Variants in ALOX5 observed in about 807,000 individuals in gnomAD.
ALOX5 encodes polyunsaturated fatty acid 5-lipoxygenase.
A neutral mutation model predicts 87.9 loss-of-function variants in ALOX5; 64 were observed. That is an observed-to-expected ratio of 0.73 (90% CI 0.60 to 0.90). The LOEUF is 0.90. ALOX5 is among the 40% of genes least tolerant of loss of function. The probability of loss-of-function intolerance (pLI) is 0.00; values close to 1 mark genes in which losing one functional copy is unlikely to be tolerated. For missense variants in ALOX5, 822 were observed against 907.5 expected (o/e 0.91, Z 1.21); for synonymous variants, 388 against 355.1 (o/e 1.09, Z -1.04).
chr10:45,375,464 A>G (rs1564405746), intron 1 of ALOX5, among the ~76,000 whole-genome samples: 1 of 152,158 alleles, frequency 6.6e-6, no homozygotes, highest in Non-Finnish European at 1.5e-5. Flanking sequence ...CTTCCACCCC[A>G]CCCCAGCTCC....
In ALOX5 at chr10:45,382,583, A is replaced by G. The variant is rs908536964; in HGVS notation, c.251A>G (p.Lys84Arg). The change falls in exon 2 of 14, where the codon AAG becomes AGG. Residue 84 changes from lysine (K) to arginine (R), a missense_variant. Transcript: ENST00000374391. Reference protein sequence around the residue: ...KYWLNDDWYLKYITLKTPHGD... With the variant: ...KYWLNDDWYLRYITLKTPHGD... ...TGGCTGAATGACGACTGGTACCTGAAGTACATCACGCTGAAGACGCCCCAC... is the reference window on the plus strand; with the variant it reads ...TGGCTGAATGACGACTGGTACCTGAGGTACATCACGCTGAAGACGCCCCAC... The G allele has an allele frequency of 5.0e-6, 8 of 1,614,050 alleles. No individual in the cohort carries two copies. The African/African-American group carries it at 6.7e-5, about 13-fold the overall frequency.
Position 45,411,561 on chromosome 10 carries a change from C to T in ALOX5, c.432-630C>T, listed in dbSNP as rs147358482. 3.3e-5 allele frequency among the ~76,000 whole-genome samples: 5 copies of T among 152,334 alleles called. No individual in the cohort carries two copies. The South Asian group carries it at 6.2e-4, about 19-fold the overall frequency. Reference sequence around the variant, plus strand: ...CTGAGCATGTTTACTGGATGCAGTCCGTGGCTTGTCTTTGGGGAAGCTGTT... The same window carrying T: ...CTGAGCATGTTTACTGGATGCAGTCTGTGGCTTGTCTTTGGGGAAGCTGTT... On this transcript the variant is annotated intron_variant, in intron 3 of 13. Coordinates refer to ENST00000374391, the MANE Select transcript of ALOX5 (RefSeq NM_000698.5).
intron 4 of ALOX5, among the ~76,000 whole-genome samples, chr10:45,412,799 GT>G (rs1393675581): frequency 6.6e-6 from 1 of 152,190 alleles, no homozygotes; most frequent in African/African-American, 2.4e-5. Context: ...GAATACGGAG[GT>G]TGACTACCTT....
At chr10:45,394,719 T>C (rs750617216) in intron 2 of ALOX5, among the ~76,000 whole-genome samples, 37 of 152,174 alleles carry the variant, frequency 2.4e-4, no homozygotes, top group Non-Finnish European at 4.7e-4. Flanking sequence ...GACAAAGGGC[T>C]AATATCCAGA....
chr10:45,445,508 C>G lies in ALOX5; in HGVS notation c.1846C>G (p.Leu616Val). 6.2e-7 allele frequency: 1 copy of G among 1,612,282 alleles called. No homozygotes were observed. Among genetic ancestry groups the G allele is most frequent in the South Asian group, 1.1e-5 (1 of 91,032 alleles). The change falls in exon 14 of 14, where the codon CTG (leucine) becomes GTG (valine). Residue 616 changes from leucine to valine, a missense_variant and splice_region_variant. Coordinates refer to ENST00000374391, the MANE Select transcript of ALOX5 (RefSeq NM_000698.5). The stretch of plus-strand genomic sequence containing the variant: ...TGTGTGTCCATGTCTGGGCCCTCAG[C>G]TGTTCCTGGGCATGTACCCAGAAGA... ...WALSQFQENE[L>V]FLGMYPEEHF...
In ALOX5 at chr10:45,374,249, C is replaced by G. The variant is rs1839488858; in HGVS notation, c.-31C>G. 1 of 1,453,616 alleles carries G rather than the reference C, an allele frequency of 6.9e-7. No homozygotes were observed. The highest frequency in any genetic ancestry group is 1.5e-5 in the African/African-American group (1 of 67,586). 90.0% of individuals were successfully genotyped at this position (1,453,616 alleles called of 1,614,324 possible). ...ACACCTGGACCGCCGCGCCGAGGCTCCCGGCGCTCGCTGCTCCCGCGGCCC... is the reference window on the plus strand; with the variant it reads ...ACACCTGGACCGCCGCGCCGAGGCTGCCGGCGCTCGCTGCTCCCGCGGCCC... On this transcript the variant is annotated 5_prime_UTR_variant, in exon 1 of 14. Coordinates refer to ENST00000374391, the MANE Select transcript of ALOX5 (RefSeq NM_000698.5).
At chr10:45,379,015 C>T (rs1029113277) in intron 1 of ALOX5, among the ~76,000 whole-genome samples, 1 of 152,092 alleles carries the variant, frequency 6.6e-6, no homozygotes, top group African/African-American at 2.4e-5. Context: ...TGTCCCAGTC[C>T]CCTGTGACTG....
chr10:45,429,337 A>G (rs1841838366), intron 7 of ALOX5, among the ~76,000 whole-genome samples: 1 of 152,196 alleles, frequency 6.6e-6, no homozygotes, highest in South Asian at 2.1e-4. Context: ...TGGACTGGGC[A>G]TAGGTCCCTG....
At chr10:45,394,069 A>G (rs1269816884) in intron 2 of ALOX5, among the ~76,000 whole-genome samples, 3 of 152,170 alleles carry the variant, frequency 2.0e-5, no homozygotes, top group African/African-American at 7.2e-5. Flanking sequence ...CCATCAAACT[A>G]CCAATGACTT....
intron 2 of ALOX5, among the ~76,000 whole-genome samples, chr10:45,394,711 C>A (rs1194970384): frequency 6.6e-6 from 1 of 152,164 alleles, no homozygotes; most frequent in African/African-American, 2.4e-5. Context: ...ACTCATCTGA[C>A]AAAGGGCTAA....
At position 45,412,313 on chromosome 10, in the gene ALOX5, C is replaced by T. The variant is rs778720389; in HGVS notation, c.554C>T (p.Ala185Val). The change falls in exon 4 of 14, where the codon GCG becomes GTG. Residue 185 changes from alanine (A) to valine (V), a missense_variant and splice_region_variant. By Grantham distance (64) the Ala-to-Val change is moderately conservative. Coordinates refer to ENST00000374391, the MANE Select transcript of ALOX5 (RefSeq NM_000698.5). ...GACTTTGTTCTGAATTACTCCAAAGCGTAAGTTTACGAGAACTGAGGGACT... is the reference window on the plus strand; with the variant it reads ...GACTTTGTTCTGAATTACTCCAAAGTGTAAGTTTACGAGAACTGAGGGACT... ...GVDFVLNYSK[A>V]MENLFINRFM... The T allele has an allele frequency of 8.1e-6, 13 of 1,613,974 alleles. No individual in the cohort carries two copies. Among genetic ancestry groups the T allele is most frequent in the Middle Eastern group, 1.6e-4 (1 of 6,062 alleles).
chr10:45,436,304 G>A (rs1187511123), intron 7 of ALOX5, among the ~76,000 whole-genome samples: 2 of 152,068 alleles, frequency 1.3e-5, no homozygotes, highest in Non-Finnish European at 2.9e-5. Context: ...TGCCTTTGAG[G>A]TCTAGTCATA....
chr10:45,443,731 TC>T lies in ALOX5; in HGVS notation c.1581del (p.Lys528SerfsTer13), dbSNP rs773564363. 6.2e-7 allele frequency: 1 copy of T among 1,611,656 alleles called. No individual in the cohort carries two copies. The highest frequency in any genetic ancestry group is 1.7e-5 in the Admixed American group (1 of 59,924). ...YGMRGRKSSG[F>X]PKSVKSREQL... ...CCCGCCGGTGGTTCCACCCTAGGCTTCCCCAAGTCGGTCAAGAGCCGGGAGC... is the reference window on the plus strand; with the variant it reads ...CCCGCCGGTGGTTCCACCCTAGGCTTCCCAAGTCGGTCAAGAGCCGGGAGC... On this transcript the variant is annotated frameshift_variant, in exon 12 of 14. Transcript: ENST00000374391. LOFTEE classifies it high-confidence loss of function.
chr10:45,390,093 A>G (rs1277545599), intron 2 of ALOX5, among the ~76,000 whole-genome samples: 1 of 152,238 alleles, frequency 6.6e-6, no homozygotes, highest in Non-Finnish European at 1.5e-5. Context: ...AGAGACAAAG[A>G]AGGCCATTAC....
chr10:45,443,975 A>C, intron 12 of ALOX5, 141 bp from the exon 13 acceptor site: 1 of 1,436,166 alleles, frequency 7.0e-7, no homozygotes. Flanking sequence ...CGCTCAGCCA[A>C]GGGCGCTGGC....
intron 7 of ALOX5, 110 bp from the exon 8 acceptor site, chr10:45,440,320 C>A: frequency 8.3e-7 from 1 of 1,199,444 alleles, no homozygotes; most frequent in Non-Finnish European, 1.2e-6. Context: ...TCCAAAGTCA[C>A]TGTTAAAGAA....
chr10:45,407,164 G>T (rs563114693), intron 3 of ALOX5, among the ~76,000 whole-genome samples: 42 of 151,852 alleles, frequency 2.8e-4, no homozygotes, highest in African/African-American at 9.4e-4. Context: ...CTTAGATGAC[G>T]ATCTAAAAAA....
At chr10:45,417,725 C>T (rs929693773) in intron 4 of ALOX5, among the ~76,000 whole-genome samples, 4 of 152,200 alleles carry the variant, frequency 2.6e-5, no homozygotes, top group African/African-American at 9.6e-5. Context: ...TAGGGACGCA[C>T]CCGCCCCTGC....
At chr10:45,420,902 G>C (rs12267314) in intron 4 of ALOX5, among the ~76,000 whole-genome samples, 4,366 of 152,344 alleles carry the variant, frequency 0.029, 198 homozygotes, top group African/African-American at 0.095. Flanking sequence ...GCAGAAATGC[G>C]GCCCGTCCTG....
Sources: allele counts gnomAD v4.1 joint callset (sites outside exome capture counted in the v4.1 genomes callset), GRCh38; gene constraint gnomAD v4.1.1; transcripts MANE v1.5; gene names NCBI Gene and HGNC (gene_info 2026-07-23, HGNC 2026-07-21).